Variants in CCDC149 observed in about 807,000 individuals in gnomAD.
CCDC149 encodes the protein coiled-coil domain containing 149, also known as coiled-coil domain-containing protein 149.
CCDC149 carries 45 observed loss-of-function variants against 59.9 expected under a neutral mutation model. The ratio of observed to expected loss-of-function variants is 0.75; its 90% confidence interval spans 0.59 to 0.96. The LOEUF (loss-of-function observed/expected upper bound fraction) is 0.96, where lower values mean the gene tolerates loss of function less well. Ranked by LOEUF, CCDC149 falls within the 40% of genes least tolerant of loss-of-function variation. The pLI, the probability that CCDC149 is intolerant of heterozygous loss-of-function variation, is 0.00. For synonymous variants in CCDC149, 245 were observed against 260.6 expected, an observed-to-expected ratio of 0.94 and a Z score of 0.58; for missense variants, 584 against 664.7, an observed-to-expected ratio of 0.88 and a Z score of 1.33.
intron 1 of CCDC149, among the ~76,000 whole-genome samples, chr4:24,925,921 A>T (rs952760388): frequency 1.3e-5 from 2 of 152,160 alleles, no homozygotes; most frequent in Non-Finnish European, 2.9e-5. Context: ...TTGGCCGGGC[A>T]TGGTGGCTCA....
intron 1 of CCDC149, among the ~76,000 whole-genome samples, chr4:24,939,679 C>T (rs1305789223): frequency 6.6e-6 from 1 of 152,100 alleles, no homozygotes; most frequent in Non-Finnish European, 1.5e-5. Context: ...ACTAGAATAA[C>T]TAATGCACAG....
chr4:24,844,822 T>C (rs777492920), intron 4 of CCDC149, among the ~76,000 whole-genome samples: 1 of 152,118 alleles, frequency 6.6e-6, no homozygotes, highest in Non-Finnish European at 1.5e-5. Context: ...TGGCCCACAG[T>C]GCCCTGGGCC....
rs1721987929 is a variant in CCDC149 at position 24,912,970 on chromosome 4, G to A, written c.-91C>T. 1 of 579,322 alleles carries A rather than the reference G, an allele frequency of 1.7e-6. No homozygotes were observed. Among genetic ancestry groups the A allele is most frequent in the Non-Finnish European group, 2.3e-6 (1 of 441,746 alleles). 35.9% of individuals were successfully genotyped at this position (579,322 alleles called of 1,614,324 possible). A position where few individuals can be genotyped will look rare whatever the true frequency, so the allele number is the denominator to read the frequency against. ...CCCGGGCCCCGCGCGGCCCCGAGAG[G>A]GCCCGGCGCCTCCGAGCCGCTGCGC... is the stretch of plus-strand genomic sequence containing the variant. On this transcript the variant is annotated 5_prime_UTR_variant, in exon 1 of 13. Transcript: ENST00000635206.
intron 4 of CCDC149, among the ~76,000 whole-genome samples, chr4:24,849,958 C>T (rs945921597): frequency 1.3e-5 from 2 of 152,208 alleles, no homozygotes; most frequent in Non-Finnish European, 2.9e-5. Context: ...CAGCAACTGA[C>T]CCTCTGCTCT....
intron 3 of CCDC149, among the ~76,000 whole-genome samples, chr4:24,868,548 T>C (rs978908989): frequency 6.6e-6 from 1 of 152,220 alleles, no homozygotes; most frequent in Non-Finnish European, 1.5e-5. Flanking sequence ...CTTTGTATGT[T>C]GTCTGTTCGT....
intron 1 of CCDC149, among the ~76,000 whole-genome samples, chr4:24,910,045 C>G (rs1158592511): frequency 6.6e-6 from 1 of 152,190 alleles, no homozygotes; most frequent in African/African-American, 2.4e-5. Context: ...AGTGTATTCA[C>G]TCACAGTTAT....
At position 24,855,280 on chromosome 4, in the gene CCDC149, C is replaced by A. The variant is rs553849558; in HGVS notation, c.265-2101G>T. Among the ~76,000 whole-genome samples the A allele has an allele frequency of 3.9e-5, 6 of 152,184 alleles. No homozygotes were observed. In the South Asian group the frequency reaches 1.2e-3, roughly 32 times the overall value. The stretch of plus-strand genomic sequence containing the variant: ...AGACTTGCATAGAAAATCATTCATC[C>A]CTGGCTAGCTGCCGTGGCTCACACC... On this transcript the variant is annotated intron_variant, in intron 3 of 12. Coordinates refer to ENST00000635206, the MANE Select transcript of CCDC149 (RefSeq NM_001330643.2).
At chr4:24,914,385 GAAAAAAAAAA>G (rs201825269), upstream of CCDC149, among the ~76,000 whole-genome samples, 3 of 120,186 alleles carry the variant, frequency 2.5e-5, no homozygotes, top group African/African-American at 5.7e-5. Flanking sequence ...TGTGTTACCA[GAAAAAAAAAA>G]AAAAAAAAAG....
chr4:24,836,079 G>C (rs1377448593), intron 7 of CCDC149, among the ~76,000 whole-genome samples: 1 of 152,196 alleles, frequency 6.6e-6, no homozygotes, highest in African/African-American at 2.4e-5. Flanking sequence ...CATCTGATGA[G>C]TGAACATGTT....
chr4:24,863,565 A>T (rs1381692222), intron 3 of CCDC149, among the ~76,000 whole-genome samples: 2 of 152,258 alleles, frequency 1.3e-5, no homozygotes, highest in Non-Finnish European at 2.9e-5. Context: ...TCCCCAGTGC[A>T]GAAAGTAGAA....
At chr4:24,890,228 A>G (rs1408952575) in intron 1 of CCDC149, among the ~76,000 whole-genome samples, 1 of 152,188 alleles carries the variant, frequency 6.6e-6, no homozygotes, top group Non-Finnish European at 1.5e-5. Context: ...CAGCATTTTG[A>G]AGCCTACTCA....
intron 1 of CCDC149, among the ~76,000 whole-genome samples, chr4:24,877,318 T>C (rs140969849): frequency 1.6e-3 from 248 of 152,222 alleles, no homozygotes; most frequent in African/African-American, 5.7e-3. Context: ...CCCAAGTAGC[T>C]GGGAATACAG....
intron 1 of CCDC149, among the ~76,000 whole-genome samples, chr4:24,972,639 C>T (rs779083032): frequency 6.2e-4 from 95 of 152,232 alleles, no homozygotes; most frequent in South Asian, 2.3e-3. Flanking sequence ...TCCTAAGAGG[C>T]CTGGGGAGTC....
At chr4:24,922,333 C>T (rs1363928723) in intron 1 of CCDC149, among the ~76,000 whole-genome samples, 1 of 151,336 alleles carries the variant, frequency 6.6e-6, no homozygotes, top group Non-Finnish European at 1.5e-5. Context: ...TGTGTAGGTC[C>T]ACTAGGTCCC....
chr4:24,918,333 T>A (rs1162047675), intron 1 of CCDC149, among the ~76,000 whole-genome samples: 1 of 152,192 alleles, frequency 6.6e-6, no homozygotes, highest in Admixed American at 6.5e-5. Context: ...TGGCATTTCA[T>A]ATAAATGGCC....
chr4:24,823,380 A>G (rs926387551), intron 9 of CCDC149, among the ~76,000 whole-genome samples: 8 of 152,332 alleles, frequency 5.3e-5, no homozygotes, highest in Admixed American at 1.3e-4. Context: ...ATGTGGGCAT[A>G]CATACTCCCA....
intron 3 of CCDC149, among the ~76,000 whole-genome samples, chr4:24,865,206 A>C (rs140044132): frequency 4.5e-3 from 681 of 152,344 alleles, no homozygotes; most frequent in African/African-American, 0.016. Context: ...AAGGAAAAAG[A>C]GAATGAGAAA....
intron 4 of CCDC149, among the ~76,000 whole-genome samples, chr4:24,846,205 G>A (rs766219008): frequency 1.6e-4 from 25 of 152,192 alleles, no homozygotes; most frequent in African/African-American, 4.3e-4. Flanking sequence ...TAGACTGGCC[G>A]CTTGCTGGAC....
chr4:24,956,294 C>T (rs1379618610), intron 1 of CCDC149, among the ~76,000 whole-genome samples: 2 of 151,912 alleles, frequency 1.3e-5, no homozygotes, highest in African/African-American at 4.8e-5. Flanking sequence ...TTCCAACTCA[C>T]CCTCTCAGTG....
Sources: allele counts gnomAD v4.1 joint callset (sites outside exome capture counted in the v4.1 genomes callset), GRCh38; gene constraint gnomAD v4.1.1; transcripts MANE v1.5; gene names NCBI Gene and HGNC (gene_info 2026-07-23, HGNC 2026-07-21).